Variants in VGLL4 observed in about 807,000 individuals in gnomAD.
VGLL4 encodes the protein vestigial like family member 4, also known as transcription cofactor vestigial-like protein 4.
A neutral mutation model predicts 21.0 loss-of-function variants in VGLL4; 7 were observed. That is an observed-to-expected ratio of 0.33 (90% CI 0.19 to 0.63). VGLL4 has a LOEUF of 0.63. Among genes scored for constraint, VGLL4 ranks in the 20% least tolerant of loss-of-function variants. The probability of loss-of-function intolerance (pLI) is 0.78; values close to 1 mark genes in which losing one functional copy is unlikely to be tolerated. For synonymous variants in VGLL4, 222 were observed against 173.2 expected (o/e 1.28, Z -2.21); for missense variants, 394 against 425.7 (o/e 0.93, Z 0.66).
At chr3:11,679,488 G>A (rs1012504927) in intron 2 of VGLL4, among the ~76,000 whole-genome samples, 2 of 152,074 alleles carry the variant, frequency 1.3e-5, no homozygotes, top group African/African-American at 4.8e-5. Context: ...ATCGAGACGA[G>A]CCTGGCCAGC....
chr3:11,661,925 G>A (rs916495596), intron 2 of VGLL4, among the ~76,000 whole-genome samples: 9 of 152,188 alleles, frequency 5.9e-5, no homozygotes, highest in African/African-American at 2.2e-4. Flanking sequence ...TCCCGGAAAC[G>A]GATGCCGCAC....
chr3:11,604,174 C>T (rs1188338537), intron 1 of VGLL4: 1 of 181,634 alleles, frequency 5.5e-6, no homozygotes, highest in African/African-American at 2.4e-5. Context: ...CTGTGACAGA[C>T]GCCTCCACCA....
chr3:11,664,926 TTTCTC>T (rs1214564643), intron 2 of VGLL4, among the ~76,000 whole-genome samples: 1 of 151,586 alleles, frequency 6.6e-6, no homozygotes. Flanking sequence ...CCAATTTTCT[TTTCTC>T]TATTTTTTTT....
At chr3:11,685,989 T>C (rs2076441746) in intron 2 of VGLL4, among the ~76,000 whole-genome samples, 2 of 152,144 alleles carry the variant, frequency 1.3e-5, no homozygotes, top group South Asian at 4.1e-4. Context: ...AACAACGAGA[T>C]ACCACCTCAC....
chr3:11,623,783 T>C (rs1483557790), intron 1 of VGLL4, among the ~76,000 whole-genome samples: 1 of 151,410 alleles, frequency 6.6e-6, no homozygotes, highest in African/African-American at 2.4e-5. Flanking sequence ...CTCTGTCACC[T>C]AGGTTGGAGT....
intron 2 of VGLL4, among the ~76,000 whole-genome samples, chr3:11,665,319 T>C (rs1001362171): frequency 6.6e-6 from 1 of 152,032 alleles, no homozygotes; most frequent in African/African-American, 2.4e-5. Context: ...TTCACCGTGT[T>C]AGCCAGGATG....
At chr3:11,589,664 C>T (rs1352166961) in intron 2 of VGLL4, among the ~76,000 whole-genome samples, 1 of 152,226 alleles carries the variant, frequency 6.6e-6, no homozygotes, top group Non-Finnish European at 1.5e-5. Context: ...CTTAAACAGA[C>T]GTTTGTTTTC....
rs2073989984 is a variant in VGLL4 at position 11,574,893 on chromosome 3, A to G, written c.273-9874T>C. Among the ~76,000 whole-genome samples the G allele has an allele frequency of 3.3e-5, 5 of 151,558 alleles. No homozygotes were observed. In the South Asian group the frequency reaches 1.0e-3, roughly 32 times the overall value. On this transcript the variant is annotated intron_variant, in intron 2 of 4. Transcript: ENST00000430365. ...CAAATATGGTTCAGGAAGCCAGGAA[A>G]AAGAGCCCCATCTTATGCGCCTACA...
chr3:11,681,420 T>G (rs1446379379), intron 2 of VGLL4, among the ~76,000 whole-genome samples: 2 of 152,190 alleles, frequency 1.3e-5, no homozygotes, highest in Non-Finnish European at 2.9e-5. Context: ...AGCCTGGCTG[T>G]GCTCTAGACA....
At chr3:11,678,385 T>C (rs987567461) in intron 2 of VGLL4, among the ~76,000 whole-genome samples, 1 of 152,214 alleles carries the variant, frequency 6.6e-6, no homozygotes. Context: ...TCACACCACA[T>C]AAAATGCCTC....
chr3:11,571,137 C>T (rs913259319), intron 2 of VGLL4, among the ~76,000 whole-genome samples: 2 of 152,180 alleles, frequency 1.3e-5, no homozygotes, highest in Non-Finnish European at 2.9e-5. Flanking sequence ...TACCGGCATT[C>T]GGACTGTCCC....
chr3:11,635,894 A>G (rs1043809084), intron 1 of VGLL4, among the ~76,000 whole-genome samples: 5 of 152,194 alleles, frequency 3.3e-5, no homozygotes, highest in African/African-American at 4.8e-5. Context: ...GAACCAGATC[A>G]TTCTCGTGGG....
At chr3:11,676,078 C>T (rs369567436) in intron 2 of VGLL4, among the ~76,000 whole-genome samples, 9 of 152,264 alleles carry the variant, frequency 5.9e-5, no homozygotes, top group East Asian at 3.9e-4. Context: ...AGAAATCCCA[C>T]GGATTTGTAT....
intron 2 of VGLL4, among the ~76,000 whole-genome samples, chr3:11,686,526 T>G (rs2076451609): frequency 6.6e-6 from 1 of 152,160 alleles, no homozygotes; most frequent in Admixed American, 6.5e-5. Context: ...GGGAGTTACG[T>G]GTTCAAAGGA....
At chr3:11,624,852 T>C (rs1461053895) in intron 1 of VGLL4, among the ~76,000 whole-genome samples, 1 of 152,182 alleles carries the variant, frequency 6.6e-6, no homozygotes, top group Non-Finnish European at 1.5e-5. Context: ...GAAGGAACAC[T>C]GCTAGCATTC....
At chr3:11,626,240 C>T (rs3856802) in intron 1 of VGLL4, 176,132 of 409,962 alleles carry the variant, frequency 0.43, 41,545 homozygotes, top group Non-Finnish European at 0.54. Context: ...TAACCAAATA[C>T]GGAAGCTGAA....
At chr3:11,561,960 C>T (rs1382697336) in intron 3 of VGLL4, among the ~76,000 whole-genome samples, 1 of 144,074 alleles carries the variant, frequency 6.9e-6, no homozygotes, top group East Asian at 2.1e-4. Flanking sequence ...AGTGCAGTGA[C>T]GCGATCTTGG....
At chr3:11,592,574 T>C (rs2074525874) in intron 2 of VGLL4, among the ~76,000 whole-genome samples, 3 of 152,340 alleles carry the variant, frequency 2.0e-5, no homozygotes, top group South Asian at 4.1e-4. Flanking sequence ...AGTGTGTGGT[T>C]TGAGAGTGCT....
chr3:11,621,344 A>G (rs1426308607), intron 1 of VGLL4, among the ~76,000 whole-genome samples: 1 of 152,112 alleles, frequency 6.6e-6, no homozygotes, highest in African/African-American at 2.4e-5. Context: ...TCCTCTCTCC[A>G]ATGCCTAGCA....
Sources: gnomAD v4.1 joint callset for allele counts (sites outside exome capture counted in the v4.1 genomes callset) on GRCh38, gnomAD v4.1.1 for gene constraint, MANE v1.5 for transcripts, NCBI Gene and HGNC (gene_info 2026-07-23, HGNC 2026-07-21) for gene names.